The following ENTREP2 variants were observed in gnomAD, a reference collection of about 807,000 sequenced individuals.
ENTREP2 encodes endosomal transmembrane epsin interactor 2, also known as protein ENTREP2.
chr15:29,234,542 A>G, the ENTREP2 span: 8 of 1,382,296 alleles, frequency 5.8e-6, no homozygotes, highest in African/African-American at 1.1e-4. Context: ...TGGTGGGCAA[A>G]TAGCAACAGA....
chr15:29,155,603 T>C, the ENTREP2 span, among the ~76,000 whole-genome samples: 2 of 152,302 alleles, frequency 1.3e-5, no homozygotes, highest in South Asian at 4.1e-4. Flanking sequence ...TAAGAACTCT[T>C]GTCTCCAGGC....
At chr15:29,350,635 A>G in the ENTREP2 span, among the ~76,000 whole-genome samples, 2,892 of 152,318 alleles carry the variant, frequency 0.019, 96 homozygotes, top group African/African-American at 0.066. Context: ...AAAGTTTTGC[A>G]ATAATTATTA....
chr15:29,568,710 C>CAAA, the ENTREP2 span, among the ~76,000 whole-genome samples: 70 of 128,206 alleles, frequency 5.5e-4, 2 homozygotes, highest in South Asian at 2.1e-3. Context: ...CCTCTTAAGG[C>CAAA]AAAAAAAAAA....
At chr15:29,401,901 A>G in the ENTREP2 span, among the ~76,000 whole-genome samples, 1 of 152,240 alleles carries the variant, frequency 6.6e-6, no homozygotes. Context: ...ATCTCTGTGT[A>G]AACAAGAAGG....
the ENTREP2 span, among the ~76,000 whole-genome samples, chr15:29,174,847 C>G: frequency 6.6e-6 from 1 of 152,178 alleles, no homozygotes; most frequent in African/African-American, 2.4e-5. Context: ...ACACTAAAAC[C>G]TTTGACTTGG....
At chr15:29,479,624 T>C in the ENTREP2 span, among the ~76,000 whole-genome samples, 9 of 101,380 alleles carry the variant, frequency 8.9e-5, no homozygotes, top group East Asian at 2.9e-4. Flanking sequence ...CTCCCTCTCT[T>C]TCTCTCTCCC....
At chr15:29,243,962 T>C in the ENTREP2 span, among the ~76,000 whole-genome samples, 10 of 152,318 alleles carry the variant, frequency 6.6e-5, no homozygotes, top group African/African-American at 2.4e-4. Context: ...TATGCATAAT[T>C]CTAAGATGAA....
chr15:29,149,827 T>C, the ENTREP2 span, among the ~76,000 whole-genome samples: 7,465 of 152,210 alleles, frequency 0.049, 602 homozygotes, highest in African/African-American at 0.17. Context: ...AGCAGAGCCT[T>C]GGGCTCCCGC....
At chr15:29,477,786 G>C in the ENTREP2 span, among the ~76,000 whole-genome samples, 1 of 151,932 alleles carries the variant, frequency 6.6e-6, no homozygotes, top group Non-Finnish European at 1.5e-5. Flanking sequence ...GAGGGGGTGG[G>C]TGTACTTCAC....
At chr15:29,432,075 T>A in the ENTREP2 span, among the ~76,000 whole-genome samples, 1 of 152,212 alleles carries the variant, frequency 6.6e-6, no homozygotes, top group Non-Finnish European at 1.5e-5. Flanking sequence ...CAAAATGCAC[T>A]TACCTTTAAA....
At chr15:29,253,541 C>T in the ENTREP2 span, among the ~76,000 whole-genome samples, 1 of 150,094 alleles carries the variant, frequency 6.7e-6, no homozygotes, top group Non-Finnish European at 1.5e-5. Context: ...CTCCCGGGTT[C>T]AAGCGATTAT....
chr15:29,526,353 C>T, the ENTREP2 span, among the ~76,000 whole-genome samples: 1 of 152,138 alleles, frequency 6.6e-6, no homozygotes. Flanking sequence ...CTTGGACAGC[C>T]TCTGACTCTC....
the ENTREP2 span, among the ~76,000 whole-genome samples, chr15:29,410,119 C>T: frequency 6.6e-6 from 1 of 151,976 alleles, no homozygotes; most frequent in Non-Finnish European, 1.5e-5. Context: ...TAAGGCCTGT[C>T]TCTTTGTTTG....
chr15:29,351,284 G>A, the ENTREP2 span, among the ~76,000 whole-genome samples: 1 of 152,202 alleles, frequency 6.6e-6, no homozygotes, highest in South Asian at 2.1e-4. Flanking sequence ...CATAGACAAA[G>A]TGCATAAAAT....
At chr15:29,287,825 T>C in the ENTREP2 span, among the ~76,000 whole-genome samples, 1 of 152,318 alleles carries the variant, frequency 6.6e-6, no homozygotes, top group East Asian at 1.9e-4. Flanking sequence ...AACAAAATGC[T>C]GATGTTATAG....
the ENTREP2 span, among the ~76,000 whole-genome samples, chr15:29,565,393 CAAA>C: frequency 7.4e-6 from 1 of 135,100 alleles, no homozygotes; most frequent in Non-Finnish European, 1.6e-5. Flanking sequence ...AATCTATCCT[CAAA>C]AAAAAAAAAA....
the ENTREP2 span, among the ~76,000 whole-genome samples, chr15:29,571,180 C>T: frequency 9.2e-5 from 14 of 151,868 alleles, no homozygotes; most frequent in South Asian, 1.0e-3. Context: ...CCTGGCGTCC[C>T]AGCCTCCGCG....
At chr15:29,497,242 A>G in the ENTREP2 span, among the ~76,000 whole-genome samples, 103 of 152,236 alleles carry the variant, frequency 6.8e-4, no homozygotes, top group Non-Finnish European at 1.1e-3. Flanking sequence ...TTTATTTTCT[A>G]TGTAAGTTAC....
the ENTREP2 span, among the ~76,000 whole-genome samples, chr15:29,651,661 G>A: frequency 6.6e-6 from 1 of 152,228 alleles, no homozygotes. Context: ...CTCTGATCTT[G>A]AAGCATGGTT....
Sources: gnomAD v4.1 joint callset for allele counts (sites outside exome capture counted in the v4.1 genomes callset) on GRCh38, gnomAD v4.1.1 for gene constraint, MANE v1.5 for transcripts, NCBI Gene and HGNC (gene_info 2026-07-23, HGNC 2026-07-21) for gene names.